FUT9: variants seen among roughly 807,000 people sequenced by gnomAD.
FUT9 encodes the protein fucosyltransferase 9.
FUT9 carries 15 observed loss-of-function variants against 29.7 expected under a neutral mutation model. That is an observed-to-expected ratio of 0.51 (90% CI 0.34 to 0.78). The LOEUF is 0.78. Ranked by LOEUF, FUT9 falls within the 30% of genes least tolerant of loss-of-function variation. The pLI is 0.01. For synonymous variants in FUT9, 169 were observed against 153.7 expected, an observed-to-expected ratio of 1.10 and a Z score of -0.74; for missense variants, 319 against 425.4, an observed-to-expected ratio of 0.75 and a Z score of 2.20.
intron 2 of FUT9, among the ~76,000 whole-genome samples, chr6:96,183,890 C>T (rs543668408): frequency 2.5e-4 from 38 of 151,850 alleles, no homozygotes; most frequent in Admixed American, 4.6e-4. Flanking sequence ...TCAGGGATAT[C>T]GGGCTGTAGT....
At chr6:96,124,768 C>T (rs1772101964) in intron 2 of FUT9, among the ~76,000 whole-genome samples, 1 of 152,134 alleles carries the variant, frequency 6.6e-6, no homozygotes, top group Non-Finnish European at 1.5e-5. Context: ...CTTCCACCCC[C>T]ATTCTTCCAC....
chr6:96,167,137 T>G (rs955591196), intron 2 of FUT9, among the ~76,000 whole-genome samples: 1 of 152,206 alleles, frequency 6.6e-6, no homozygotes, highest in African/African-American at 2.4e-5. Context: ...AAATGGTTAT[T>G]TTAAGTTTGA....
chr6:96,135,322 G>A (rs759165040), intron 2 of FUT9, among the ~76,000 whole-genome samples: 6 of 151,850 alleles, frequency 4.0e-5, no homozygotes, highest in Non-Finnish European at 5.9e-5. Context: ...TATTTCTTTA[G>A]TTACTGCTTA....
chr6:96,195,275 A>G (rs1773603082), intron 2 of FUT9, among the ~76,000 whole-genome samples: 1 of 152,218 alleles, frequency 6.6e-6, no homozygotes, highest in Non-Finnish European at 1.5e-5. Context: ...TATTATTACC[A>G]GAGAGAGTTC....
At chr6:96,155,754 T>C (rs1246592243) in intron 2 of FUT9, among the ~76,000 whole-genome samples, 1 of 151,114 alleles carries the variant, frequency 6.6e-6, no homozygotes, top group African/African-American at 2.4e-5. Flanking sequence ...CACAAAGGAA[T>C]GACCAAGTGA....
At chr6:96,148,428 C>A (rs1772613112) in intron 2 of FUT9, among the ~76,000 whole-genome samples, 1 of 152,162 alleles carries the variant, frequency 6.6e-6, no homozygotes, top group African/African-American at 2.4e-5. Flanking sequence ...CTCTGTAATG[C>A]ATCAAAACAG....
intron 2 of FUT9, among the ~76,000 whole-genome samples, chr6:96,124,153 CTTTTTTT>C (rs35122970): frequency 7.2e-5 from 9 of 125,038 alleles, no homozygotes; most frequent in South Asian, 2.7e-4. Flanking sequence ...TTTCTTTTTT[CTTTTTTT>C]TTTTTTTTTG....
rs1773787573 is a variant in FUT9, at chr6:96,204,324, T to C, written c.*89T>C. 1 of 918,062 alleles carries C rather than the reference T, an allele frequency of 1.1e-6. No homozygotes were observed. Among genetic ancestry groups the C allele is most frequent in the Admixed American group, 2.8e-5 (1 of 35,350 alleles). 56.9% of individuals were successfully genotyped at this position (918,062 alleles called of 1,614,324 possible). Reference sequence around the variant, plus strand: ...AAGAAGAGATGCAACATACTACTTTTGTGTCACAATTTATTTTTATCACCC... The same window carrying C: ...AAGAAGAGATGCAACATACTACTTTCGTGTCACAATTTATTTTTATCACCC... On this transcript the variant is annotated 3_prime_UTR_variant, in exon 3 of 3. Coordinates refer to ENST00000302103, the MANE Select transcript of FUT9 (RefSeq NM_006581.4).
intron 1 of FUT9, among the ~76,000 whole-genome samples, chr6:96,055,570 G>T (rs988956488): frequency 5.9e-5 from 9 of 151,292 alleles, no homozygotes. Flanking sequence ...AAATGTGCAG[G>T]CTTGTTACCT....
At chr6:96,194,801 C>T (rs1368979832) in intron 2 of FUT9, among the ~76,000 whole-genome samples, 1 of 151,820 alleles carries the variant, frequency 6.6e-6, no homozygotes, top group Non-Finnish European at 1.5e-5. Flanking sequence ...GACTGCTGGC[C>T]TCAAAGGGTG....
At chr6:96,136,732 A>G (rs1582259602) in intron 2 of FUT9, among the ~76,000 whole-genome samples, 1 of 152,012 alleles carries the variant, frequency 6.6e-6, no homozygotes. Context: ...AAATGTAGTC[A>G]TAAGTGTGGT....
chr6:96,076,649 G>T (rs1771146248), intron 1 of FUT9, among the ~76,000 whole-genome samples: 1 of 152,118 alleles, frequency 6.6e-6, no homozygotes, highest in African/African-American at 2.4e-5. Context: ...TATTGTCAAT[G>T]TATTATACTG....
At chr6:96,194,543 T>C (rs1392249253) in intron 2 of FUT9, among the ~76,000 whole-genome samples, 1 of 152,006 alleles carries the variant, frequency 6.6e-6, no homozygotes, top group Non-Finnish European at 1.5e-5. Flanking sequence ...GGAGGTAAAA[T>C]TGGCAGGAGT....
chr6:96,191,062 T>C (rs1773498585), intron 2 of FUT9, among the ~76,000 whole-genome samples: 1 of 152,176 alleles, frequency 6.6e-6, no homozygotes, highest in Non-Finnish European at 1.5e-5. Flanking sequence ...TCTTTGATGA[T>C]GGTGACATAC....
chr6:96,170,970 T>G (rs145715362), intron 2 of FUT9, among the ~76,000 whole-genome samples: 1 of 152,322 alleles, frequency 6.6e-6, no homozygotes, highest in East Asian at 1.9e-4. Context: ...CCCCTTTCTT[T>G]CCCTACATTC....
intron 2 of FUT9, among the ~76,000 whole-genome samples, chr6:96,156,515 T>A (rs1772788009): frequency 6.6e-6 from 1 of 152,166 alleles, no homozygotes; most frequent in African/African-American, 2.4e-5. Flanking sequence ...CTTATATATA[T>A]ATAAGCTGAT....
chr6:96,024,398 C>T (rs1461189755), intron 1 of FUT9, among the ~76,000 whole-genome samples: 2 of 151,758 alleles, frequency 1.3e-5, no homozygotes, highest in Non-Finnish European at 2.9e-5. Context: ...TATGTATTAT[C>T]CCAGTTTCAA....
intron 2 of FUT9, among the ~76,000 whole-genome samples, chr6:96,185,753 G>T (rs1210654072): frequency 1.3e-5 from 2 of 152,062 alleles, no homozygotes; most frequent in Non-Finnish European, 2.9e-5. Flanking sequence ...TTCTCTTCTA[G>T]TGGCCTCCAT....
At chr6:96,072,590 C>T (rs1012624712) in intron 1 of FUT9, among the ~76,000 whole-genome samples, 3 of 152,122 alleles carry the variant, frequency 2.0e-5, no homozygotes, top group Admixed American at 6.5e-5. Context: ...TTGGCACGTA[C>T]CTCTATGGGG....
Sources: allele counts gnomAD v4.1 joint callset (sites outside exome capture counted in the v4.1 genomes callset), GRCh38; gene constraint gnomAD v4.1.1; transcripts MANE v1.5; gene names NCBI Gene and HGNC (gene_info 2026-07-23, HGNC 2026-07-21).